Variants in NKIRAS1 observed in about 807,000 individuals in gnomAD.
The protein encoded by NKIRAS1 is NFKB inhibitor interacting Ras like 1.
A neutral mutation model predicts 19.8 loss-of-function variants in NKIRAS1; 16 were observed. The ratio of observed to expected loss-of-function variants is 0.81; its 90% CI spans 0.55 to 1.23. The LOEUF is 1.23. Among genes scored for constraint, NKIRAS1 ranks in the 50% most tolerant of loss-of-function variants. NKIRAS1 has a pLI of 0.00. For synonymous variants in NKIRAS1, 88 were observed against 79.0 expected, an observed-to-expected ratio of 1.11 and a Z score of -0.61; for missense variants, 184 against 220.0, an observed-to-expected ratio of 0.84 and a Z score of 1.04.
chr3:23,940,840 G>A (rs969640518), intron 1 of NKIRAS1, among the ~76,000 whole-genome samples: 2 of 152,188 alleles, frequency 1.3e-5, no homozygotes, highest in South Asian at 2.1e-4. Context: ...AAGAAGGTAC[G>A]TCACAAATGT....
intron 1 of NKIRAS1, chr3:23,945,996 A>C: frequency 1.6e-6 from 1 of 608,314 alleles, no homozygotes. Flanking sequence ...CCTGACCCAC[A>C]TTCCCCGGGG....
At position 23,890,613 on chromosome 3, in the gene NKIRAS1, G is replaced by T. The variant is rs541779143; in HGVS notation, c.*2482C>A. On this transcript the variant is annotated 3_prime_UTR_variant, in exon 5 of 5. Coordinates refer to ENST00000425478, the MANE Select transcript of NKIRAS1 (RefSeq NM_020345.4). The stretch of plus-strand genomic sequence containing the variant: ...CAAGAGATACGCTACATAAATTGGG[G>T]TTTCACAATTCTTACATTATTTGTC... 2.6e-4 allele frequency: 401 copies of T among 1,569,686 alleles called. 3 individuals are homozygous for T. In the South Asian group the frequency reaches 4.1e-3, roughly 16 times the overall value.
Position 23,891,708 on chromosome 3 carries a change from G to A in NKIRAS1, c.*1387C>T, listed in dbSNP as rs1313880226. 1 of 152,142 alleles carries A rather than the reference G, an allele frequency of 6.6e-6. No individual in the cohort carries two copies. Among genetic ancestry groups the A allele is most frequent in the Non-Finnish European group, 1.5e-5 (1 of 68,034 alleles). 9.4% of individuals were successfully genotyped at this position (152,142 alleles called of 1,614,324 possible). ...TGTCTCTTTCAGAGAAACTTATCTG[G>A]ATACACATACATTCATTACAGAATT... On this transcript the variant is annotated 3_prime_UTR_variant, in exon 5 of 5. Transcript: ENST00000425478.
rs1442805060 is a variant in NKIRAS1 at position 23,926,513 on chromosome 3, C to T, written c.-139-15063G>A. On this transcript the variant is annotated intron_variant, in intron 1 of 4. Coordinates refer to the NKIRAS1 transcript ENST00000421515. This position sits in a 1 kb window ranked among gnomAD's most constrained non-coding sequence, Gnocchi z 4.3. ...CTTTCCTCTTCCTCTTCTTCCTCTT[C>T]TTTTTTTTTGTGTCATTCTCTAGTA... Among the ~76,000 whole-genome samples the T allele has an allele frequency of 2.7e-5, 4 of 150,508 alleles. No homozygotes were observed. The highest frequency in any genetic ancestry group is 5.9e-5 in the Non-Finnish European group (4 of 67,636).
chr3:23,912,377 G>A lies in NKIRAS1; in HGVS notation c.-139-927C>T, dbSNP rs557059369. Among the ~76,000 whole-genome samples, 332 of 152,150 alleles carry A rather than the reference G, an allele frequency of 2.2e-3. 2 individuals are homozygous for A. Among genetic ancestry groups the A allele is most frequent in the African/African-American group, 6.0e-3 (249 of 41,512 alleles). On this transcript the variant is annotated intron_variant, in intron 1 of 4. Coordinates refer to ENST00000425478, the MANE Select transcript of NKIRAS1 (RefSeq NM_020345.4). ...CAAACAACCCCATCAAAAAGTGGGC[G>A]AAGGATATGAACAGACACTTCTCAA...
intron 4 of NKIRAS1, among the ~76,000 whole-genome samples, chr3:23,895,834 C>T (rs183420304): frequency 3.4e-4 from 51 of 152,152 alleles, no homozygotes; most frequent in African/African-American, 1.2e-3. Context: ...CAGTAAGATA[C>T]GCAATTAGAA....
At chr3:23,929,378 TAAAATA>T (rs1464767705) in intron 1 of NKIRAS1, among the ~76,000 whole-genome samples, 2 of 151,884 alleles carry the variant, frequency 1.3e-5, no homozygotes, top group East Asian at 3.9e-4. Context: ...AATAAATAAA[TAAAATA>T]AAAATAAAAA....
intron 4 of NKIRAS1, among the ~76,000 whole-genome samples, chr3:23,896,271 C>A (rs1005038049): frequency 6.6e-6 from 1 of 151,912 alleles, no homozygotes; most frequent in African/African-American, 2.4e-5. Flanking sequence ...AGCACTTAGT[C>A]CCCTCATCAT....
chr3:23,944,251 A>C (rs1473924790), intron 1 of NKIRAS1, among the ~76,000 whole-genome samples: 1 of 152,194 alleles, frequency 6.6e-6, no homozygotes, highest in Non-Finnish European at 1.5e-5. Flanking sequence ...ATGGTGAAGA[A>C]ACCTGGGGGG....
At chr3:23,932,721 G>A (rs1291716635) in intron 1 of NKIRAS1, among the ~76,000 whole-genome samples, 1 of 150,488 alleles carries the variant, frequency 6.6e-6, no homozygotes, top group Admixed American at 6.6e-5. Flanking sequence ...AACTTCTATA[G>A]TTTTAGGAAG....
intron 1 of NKIRAS1, chr3:23,923,998 A>G (rs982894719): frequency 1.3e-5 from 2 of 152,202 alleles, no homozygotes; most frequent in Admixed American, 1.3e-4. Flanking sequence ...CCTCTCATGC[A>G]TTTAGGTTGG....
chr3:23,910,810 C>G lies in NKIRAS1; in HGVS notation c.94+1G>C. On this transcript the variant is annotated splice_donor_variant, in intron 3 of 4. Coordinates refer to ENST00000425478, the MANE Select transcript of NKIRAS1 (RefSeq NM_020345.4). LOFTEE classifies it high-confidence loss of function. ...GACAAACTAGAGAAAAACAATCTTA[C>G]CAATAGTATGATTTCCATAAAGGAG... 1 of 1,608,056 alleles carries G rather than the reference C, an allele frequency of 6.2e-7. No homozygotes were observed. The highest frequency in any genetic ancestry group is 8.5e-7 in the Non-Finnish European group (1 of 1,174,530).
intron 1 of NKIRAS1, among the ~76,000 whole-genome samples, chr3:23,937,867 G>T (rs770111061): frequency 6.6e-6 from 1 of 151,440 alleles, no homozygotes; most frequent in Non-Finnish European, 1.5e-5. Flanking sequence ...ATACATTATC[G>T]TGTAGACTGC....
At position 23,922,141 on chromosome 3, in the gene NKIRAS1, T is replaced by A. The variant is rs1246148445; in HGVS notation, c.-139-10691A>T. ...CTGAGCAACGTGGTGAGAGCCCATC[T>A]CACAAAAAATAACAAATCAGCTGGG... On this transcript the variant is annotated intron_variant, in intron 1 of 4. Coordinates refer to the NKIRAS1 transcript ENST00000421515. This position sits in a 1 kb window ranked among gnomAD's most constrained non-coding sequence, Gnocchi z 4.2. 1.3e-5 allele frequency: 2 copies of A among 152,830 alleles called. No homozygotes were observed. Among genetic ancestry groups the A allele is most frequent in the East Asian group, 3.8e-4 (2 of 5,204 alleles). 9.5% of individuals were successfully genotyped at this position (152,830 alleles called of 1,614,324 possible). A position where few individuals can be genotyped will look rare whatever the true frequency, so the allele number is the denominator to read the frequency against.
chr3:23,896,112 G>GCC (rs1701961337), intron 4 of NKIRAS1, among the ~76,000 whole-genome samples: 1 of 141,756 alleles, frequency 7.1e-6, no homozygotes, highest in Non-Finnish European at 1.5e-5. Context: ...TCCAGCCTGG[G>GCC]AGATGGAGCA....
upstream of NKIRAS1, chr3:23,920,501 ACC>A: frequency 1.0e-6 from 1 of 985,242 alleles, no homozygotes; most frequent in Non-Finnish European, 1.2e-6. Context: ...CTATGAGTAT[ACC>A]ACCACATTGC....
intron 1 of NKIRAS1, chr3:23,945,122 G>A (rs963789658): frequency 6.6e-6 from 1 of 150,628 alleles, no homozygotes; most frequent in African/African-American, 2.4e-5. Context: ...GCAAGGAGAA[G>A]GAAGGGGAGA....
At chr3:23,904,995 TA>T (rs142379967) in intron 3 of NKIRAS1, among the ~76,000 whole-genome samples, 1,637 of 152,238 alleles carry the variant, frequency 0.011, 7 homozygotes, top group Non-Finnish European at 0.018. Flanking sequence ...ATGAATCTTT[TA>T]TTTTTTTTTC....
intron 1 of NKIRAS1, among the ~76,000 whole-genome samples, chr3:23,937,541 A>C (rs2125269836): frequency 6.6e-6 from 1 of 151,668 alleles, no homozygotes; most frequent in East Asian, 1.9e-4. Flanking sequence ...TGTTAGGGCA[A>C]GTTTTGTGTT....
Sources: gnomAD v4.1 joint callset for allele counts (sites outside exome capture counted in the v4.1 genomes callset) on GRCh38, gnomAD v4.1.1 for gene constraint, Gnocchi (gnomAD v3.1) non-coding constraint, MANE v1.5 for transcripts, NCBI Gene and HGNC (gene_info 2026-07-23, HGNC 2026-07-21) for gene names.